Variants in TAFA2 observed in about 807,000 individuals in gnomAD.
TAFA2 encodes TAFA chemokine like family member 2.
A neutral mutation model predicts 18.8 loss-of-function variants in TAFA2; 7 were observed. The ratio of observed to expected loss-of-function variants is 0.37; its 90% CI spans 0.21 to 0.70. TAFA2 has a LOEUF of 0.70. Among genes scored for constraint, TAFA2 ranks in the 30% least tolerant of loss-of-function variants. TAFA2 has a pLI of 0.53. For synonymous variants in TAFA2, 60 were observed against 54.2 expected (o/e 1.11, Z -0.47); for missense variants, 122 against 158.1 (o/e 0.77, Z 1.23).
At chr12:62,176,594 A>G (rs2062515712) in intron 1 of TAFA2, among the ~76,000 whole-genome samples, 3 of 152,186 alleles carry the variant, frequency 2.0e-5, no homozygotes, top group African/African-American at 4.8e-5. Context: ...CATAACATGA[A>G]TTTTTCAAAT....
chr12:61,818,493 ACAC>A (rs1872185374), intron 2 of TAFA2, among the ~76,000 whole-genome samples: 1 of 117,722 alleles, frequency 8.5e-6, no homozygotes, highest in African/African-American at 4.7e-5. Context: ...AAAAAAATAC[ACAC>A]ACACACACAC....
At chr12:61,760,779 T>C (rs1301930500) in intron 2 of TAFA2, among the ~76,000 whole-genome samples, 1 of 142,728 alleles carries the variant, frequency 7.0e-6, no homozygotes, top group Non-Finnish European at 1.5e-5. Flanking sequence ...AGAAGATCAG[T>C]TAGTATCATA....
chr12:62,147,592 C>T (rs112610027), intron 1 of TAFA2, among the ~76,000 whole-genome samples: 21 of 149,680 alleles, frequency 1.4e-4, no homozygotes, highest in Admixed American at 4.0e-4. Context: ...TAGCCAGGCA[C>T]GGTGGCGGGG....
intron 1 of TAFA2, among the ~76,000 whole-genome samples, chr12:62,034,979 G>A (rs1161090322): frequency 6.6e-6 from 1 of 152,148 alleles, no homozygotes; most frequent in African/African-American, 2.4e-5. Context: ...ACATTATATT[G>A]TTGTATCAAA....
chr12:61,986,347 A>G (rs1217471776), intron 1 of TAFA2, among the ~76,000 whole-genome samples: 1 of 151,538 alleles, frequency 6.6e-6, no homozygotes, highest in African/African-American at 2.4e-5. Context: ...TATTTTTAGT[A>G]GAGACGGGGT....
intron 2 of TAFA2, among the ~76,000 whole-genome samples, chr12:61,853,047 G>A (rs1873739352): frequency 6.6e-6 from 1 of 152,152 alleles, no homozygotes; most frequent in Non-Finnish European, 1.5e-5. Flanking sequence ...GCTCTCAAGT[G>A]TGCTTACCAT....
chr12:62,175,521 CT>C (rs943936472), intron 1 of TAFA2, among the ~76,000 whole-genome samples: 7 of 151,862 alleles, frequency 4.6e-5, no homozygotes, highest in Admixed American at 2.0e-4. Flanking sequence ...TCACATTTCT[CT>C]TTTTTTTGAA....
At chr12:62,124,478 C>A (rs150679629) in intron 1 of TAFA2, among the ~76,000 whole-genome samples, 1 of 151,736 alleles carries the variant, frequency 6.6e-6, no homozygotes, top group African/African-American at 2.4e-5. Context: ...CTAAGGATAA[C>A]AGAAATGTAA....
rs74095466 is a variant in TAFA2, at chr12:61,814,327, C to A, written c.106+52993G>T. On this transcript the variant is annotated intron_variant, in intron 2 of 4. Transcript: ENST00000416284. ...GAGCAAGCTAGGGAATGGGGCAAGA[C>A]GAAGTTGTGGAGGTAACAGGAGCCC... Among the ~76,000 whole-genome samples the A allele has an allele frequency of 6.0e-3, 901 of 151,368 alleles. 54 individuals are homozygous for A. Among genetic ancestry groups the A allele is most frequent in the African/African-American group, 0.021 (873 of 40,722 alleles).
chr12:61,963,247 G>A (rs982226840), intron 1 of TAFA2, among the ~76,000 whole-genome samples: 1 of 151,976 alleles, frequency 6.6e-6, no homozygotes. Context: ...CCAGTAATAG[G>A]ATTGCTGGGT....
chr12:61,711,614 T>C (rs1455738063), intron 4 of TAFA2, among the ~76,000 whole-genome samples: 1 of 152,016 alleles, frequency 6.6e-6, no homozygotes, highest in African/African-American at 2.4e-5. Flanking sequence ...AATAATAAGC[T>C]AGTTCTAGAC....
At chr12:62,089,303 T>C (rs1868608221) in intron 1 of TAFA2, among the ~76,000 whole-genome samples, 2 of 152,012 alleles carry the variant, frequency 1.3e-5, no homozygotes, top group African/African-American at 2.4e-5. Flanking sequence ...GAAAATAGAT[T>C]AGTTGTGTTT....
chr12:62,035,243 A>G (rs1399983818), intron 1 of TAFA2, among the ~76,000 whole-genome samples: 1 of 152,238 alleles, frequency 6.6e-6, no homozygotes, highest in East Asian at 1.9e-4. Context: ...ACAAAGCACT[A>G]TGCTGGCCAC....
intron 2 of TAFA2, among the ~76,000 whole-genome samples, chr12:61,804,168 T>A (rs1376004566): frequency 1.3e-5 from 2 of 151,976 alleles, no homozygotes; most frequent in Admixed American, 6.6e-5. Context: ...GTCAAGACAA[T>A]AATATAATGG....
intron 2 of TAFA2, among the ~76,000 whole-genome samples, chr12:61,837,510 A>G (rs1872983841): frequency 6.6e-6 from 1 of 152,064 alleles, no homozygotes. Context: ...TATAAGATCT[A>G]TTAATATTCC....
chr12:61,965,938 G>A (rs1879050533), intron 1 of TAFA2, among the ~76,000 whole-genome samples: 1 of 150,982 alleles, frequency 6.6e-6, no homozygotes, highest in Non-Finnish European at 1.5e-5. Context: ...AGAAATTTCT[G>A]AAAAAAAAAT....
chr12:61,926,447 A>G (rs940678513), intron 1 of TAFA2, among the ~76,000 whole-genome samples: 13 of 152,230 alleles, frequency 8.5e-5, no homozygotes, highest in African/African-American at 2.9e-4. Flanking sequence ...AAAATCCTCA[A>G]TAAAATACGG....
At chr12:61,771,102 C>T (rs185909033) in intron 2 of TAFA2, among the ~76,000 whole-genome samples, 4 of 151,572 alleles carry the variant, frequency 2.6e-5, no homozygotes, top group Non-Finnish European at 5.9e-5. Flanking sequence ...GTTATTCTTA[C>T]ATCAGACAAA....
At chr12:61,859,846 T>TA (rs969697239) in intron 2 of TAFA2, among the ~76,000 whole-genome samples, 1 of 152,236 alleles carries the variant, frequency 6.6e-6, no homozygotes, top group African/African-American at 2.4e-5. Context: ...GACGACATTC[T>TA]AATTACTGTC....
Sources: allele counts gnomAD v4.1 joint callset (sites outside exome capture counted in the v4.1 genomes callset), GRCh38; gene constraint gnomAD v4.1.1; transcripts MANE v1.5; gene names NCBI Gene and HGNC (gene_info 2026-07-23, HGNC 2026-07-21).